FSIP2: variants seen among roughly 807,000 people sequenced by gnomAD.
The protein encoded by FSIP2 is fibrous sheath-interacting protein 2.
FSIP2 carries 367 observed loss-of-function variants against 510.5 expected under a neutral mutation model. The observed-to-expected ratio is 0.72, with a 90% CI of 0.66 to 0.78. FSIP2 has a LOEUF of 0.78. Ranked by LOEUF, FSIP2 falls within the 30% of genes least tolerant of loss-of-function variation. The pLI, the probability that FSIP2 is intolerant of heterozygous loss-of-function variation, is 0.00. For missense variants in FSIP2, 7,594 were observed against 7,901.7 expected (o/e 0.96, Z 1.48); for synonymous variants, 2,601 against 2,732.2 (o/e 0.95, Z 1.50).
In FSIP2 at chr2:185,792,447, G is replaced by A. The variant is rs1203585548; in HGVS notation, c.5311G>A (p.Glu1771Lys). 2.0e-6 allele frequency: 3 copies of A among 1,532,512 alleles called. No individual in the cohort carries two copies. Among genetic ancestry groups the A allele is most frequent in the Non-Finnish European group, 2.6e-6 (3 of 1,144,134 alleles). The allele number at this position is 1,532,512 out of a possible 1,614,324, so 94.9% of individuals were successfully genotyped here. The change falls in exon 16 of 23, where the codon GAA (glutamate) becomes AAA (lysine). Residue 1771 changes from glutamate (E) to lysine (K), a missense_variant. Physicochemically the swap from Glu to Lys is moderately conservative, Grantham distance 56. Transcript: ENST00000424728. ...AAACAAAATTGAAGTAAAACTCAAA[G>A]AACCACATATATCTCCAATTGCTCC... ...TLNKIEVKLK[E>K]PHISPIAPII...
chr2:185,820,803 A>G (rs1693901790), intron 19 of FSIP2, among the ~76,000 whole-genome samples: 1 of 151,616 alleles, frequency 6.6e-6, no homozygotes, highest in South Asian at 2.1e-4. Flanking sequence ...AACAAAAACA[A>G]TGTTAAGAGT....
At position 185,805,406 on chromosome 2, in the gene FSIP2, A is replaced by T; in HGVS notation, c.16100A>T (p.Asp5367Val). The change falls in exon 17 of 23, where the codon GAT becomes GTT. Residue 5367 changes from aspartate to valine, a missense_variant. Transcript: ENST00000424728. ...TTCATAGAAAAATGCACATCTCATG[A>T]TATTCAAAAAGGTGATGAAAGTAAC... ...EQFIEKCTSH[D>V]IQKGDESNIA... 6.2e-7 allele frequency: 1 copy of T among 1,602,872 alleles called. No homozygotes were observed.
intron 18 of FSIP2, 111 bp from the exon 19 acceptor site, chr2:185,815,260 C>A: frequency 1.6e-6 from 1 of 614,608 alleles, no homozygotes; most frequent in South Asian, 2.0e-5. Flanking sequence ...TTTAACTAAT[C>A]TCTGGAACTT....
At position 185,803,214 on chromosome 2, in the gene FSIP2, CAGGGT is replaced by C; in HGVS notation, c.13911_13915del (p.Arg4637SerfsTer15). The stretch of plus-strand genomic sequence containing the variant: ...CTGGGGTTTTAAGAAAAATATTCCA[CAGGGT>C]AGTAGGCATTGTACAAACAAAATCC... On this transcript the variant is annotated frameshift_variant, in exon 17 of 23. Coordinates refer to ENST00000424728, the MANE Select transcript of FSIP2 (RefSeq NM_173651.4). LOFTEE classifies it high-confidence loss of function. 6.5e-7 allele frequency: 1 copy of C among 1,532,096 alleles called. No individual in the cohort carries two copies. The highest frequency in any genetic ancestry group is 8.7e-7 in the Non-Finnish European group (1 of 1,144,572). The allele number at this position is 1,532,096 out of a possible 1,614,324, so 94.9% of individuals were successfully genotyped here.
chr2:185,827,042 G>A (rs1011207171), intron 20 of FSIP2, among the ~76,000 whole-genome samples: 1 of 151,784 alleles, frequency 6.6e-6, no homozygotes, highest in Non-Finnish European at 1.5e-5. Flanking sequence ...GGAGTTGGAT[G>A]CACATATACC....
intron 8 of FSIP2, among the ~76,000 whole-genome samples, chr2:185,754,993 C>G (rs1226794425): frequency 6.6e-6 from 1 of 151,540 alleles, no homozygotes; most frequent in Non-Finnish European, 1.5e-5. Flanking sequence ...TCCTAAAACA[C>G]ATGTTACCTT....
At chr2:185,739,710 G>T (rs1443086847) in intron 2 of FSIP2, among the ~76,000 whole-genome samples, 2 of 151,810 alleles carry the variant, frequency 1.3e-5, no homozygotes, top group Non-Finnish European at 2.9e-5. Flanking sequence ...AACAATTCAC[G>T]GTACCATATT....
Position 185,746,677 on chromosome 2 carries a change from A to G in FSIP2, c.626A>G (p.Asp209Gly). 6.6e-7 allele frequency: 1 copy of G among 1,512,902 alleles called. No homozygotes were observed. Among genetic ancestry groups the G allele is most frequent in the Admixed American group, 2.2e-5 (1 of 45,698 alleles). The allele number at this position is 1,512,902 out of a possible 1,614,324, so 93.7% of individuals were successfully genotyped here. The change falls in exon 6 of 23, where the codon GAT becomes GGT. Residue 209 changes from aspartate to glycine, a missense_variant. Coordinates refer to ENST00000424728, the MANE Select transcript of FSIP2 (RefSeq NM_173651.4). ...TTTGCACTCTTACTCAGATATTTGG[A>G]TATGATAAGTAGAAAACTAGAACAA... ...QERLMRHRYL[D>G]MISRKLEQLE...
Position 185,805,019 on chromosome 2 carries a change from C to T in FSIP2, c.15713C>T (p.Pro5238Leu). ...MKEIMYHHLQ[P>L]FLHGEESSFS... The stretch of plus-strand genomic sequence containing the variant: ...GAAATCATGTATCATCATTTACAGC[C>T]ATTTTTACATGGTGAAGAATCATCT... The change falls in exon 17 of 23, where the codon CCA becomes CTA. Residue 5238 changes from proline (P) to leucine (L), a missense_variant. Pro to Leu is a moderately conservative substitution (Grantham distance 98). Transcript: ENST00000424728. 1 of 1,593,068 alleles carries T rather than the reference C, an allele frequency of 6.3e-7. No individual in the cohort carries two copies. Among genetic ancestry groups the T allele is most frequent in the African/African-American group, 1.3e-5 (1 of 74,496 alleles).
chr2:185,752,650 A>C (rs1333468848), intron 7 of FSIP2, among the ~76,000 whole-genome samples: 1 of 151,272 alleles, frequency 6.6e-6, no homozygotes, highest in African/African-American at 2.4e-5. Flanking sequence ...CATCTCACAT[A>C]TTTGAAAATT....
At chr2:185,787,657 A>G (rs549976202) in intron 15 of FSIP2, among the ~76,000 whole-genome samples, 13 of 151,920 alleles carry the variant, frequency 8.6e-5, no homozygotes, top group African/African-American at 3.1e-4. Flanking sequence ...GTTGCTAAAT[A>G]GAGGTTTATA....
intron 20 of FSIP2, among the ~76,000 whole-genome samples, chr2:185,826,340 CTATT>C (rs1371561070): frequency 1.3e-5 from 2 of 151,828 alleles, no homozygotes; most frequent in African/African-American, 2.4e-5. Context: ...AGGTACTCCT[CTATT>C]TCTTTCTGGC....
At chr2:185,762,921 TG>T (rs1198753213) in intron 11 of FSIP2, among the ~76,000 whole-genome samples, 1 of 151,492 alleles carries the variant, frequency 6.6e-6, no homozygotes, top group Non-Finnish European at 1.5e-5. Flanking sequence ...AAGATTAAGC[TG>T]GCATAAAACA....
chr2:185,815,317 A>G, intron 18 of FSIP2, 54 bp from the exon 19 acceptor site: 1 of 839,700 alleles, frequency 1.2e-6, no homozygotes, highest in Non-Finnish European at 2.0e-6. Flanking sequence ...CCATAAGGTA[A>G]GAAAATATAT....
intron 13 of FSIP2, among the ~76,000 whole-genome samples, chr2:185,776,043 G>A (rs1692710088): frequency 6.6e-6 from 1 of 152,166 alleles, no homozygotes; most frequent in African/African-American, 2.4e-5. Flanking sequence ...GCCGAGACGG[G>A]TGCATCGCTT....
Position 185,792,113 on chromosome 2 carries a change from T to C in FSIP2, c.4977T>C (p.Asn1659=), listed in dbSNP as rs17815052. The change falls in exon 16 of 23, where the codon AAT becomes AAC. Residue 1659 remains asparagine (N), a synonymous_variant. Coordinates refer to ENST00000424728, the MANE Select transcript of FSIP2 (RefSeq NM_173651.4). ...TGAAGGTTATTCAAACAGAATTAAA[T>C]GTGACCTCATCAGATTTGAAGACAA... is the stretch of plus-strand genomic sequence containing the variant. ...AILKVIQTEL[N]VTSSDLKTSV... 0.22 allele frequency: 336,546 copies of C among 1,533,256 alleles called. 39,014 individuals are homozygous for C. The highest frequency in any genetic ancestry group is 0.24 in the Admixed American group (12,338 of 50,822). The allele number at this position is 1,533,256 out of a possible 1,614,324, so 95.0% of individuals were successfully genotyped here.
intron 19 of FSIP2, among the ~76,000 whole-genome samples, chr2:185,821,832 A>G (rs1693925831): frequency 6.6e-6 from 1 of 151,562 alleles, no homozygotes; most frequent in Admixed American, 6.6e-5. Flanking sequence ...AGGCTGAGGC[A>G]GGTGGATTTA....
chr2:185,786,283 GA>G lies in FSIP2; in HGVS notation c.1506del (p.Val503Ter). 1.3e-6 allele frequency: 2 copies of G among 1,522,014 alleles called. No homozygotes were observed. Among genetic ancestry groups the G allele is most frequent in the Non-Finnish European group, 1.8e-6 (2 of 1,137,006 alleles). 94.3% of individuals were successfully genotyped at this position (1,522,014 alleles called of 1,614,324 possible). A position where few individuals can be genotyped will look rare whatever the true frequency, so the allele number is the denominator to read the frequency against. ...QQNLLQNCLQ[E>X]KVTSEELNII... ...GAACTTGCTGCAAAATTGCTTGCAA[GA>G]AAAAGTATGTATCATAAAATCCACC... On this transcript the variant is annotated frameshift_variant, in exon 15 of 23. Coordinates refer to ENST00000424728, the MANE Select transcript of FSIP2 (RefSeq NM_173651.4). LOFTEE classifies it high-confidence loss of function.
chr2:185,806,326 T>C lies in FSIP2; in HGVS notation c.17020T>C (p.Tyr5674His), dbSNP rs761699072. The change falls in exon 17 of 23, where the codon TAT becomes CAT. Residue 5674 changes from tyrosine (Y) to histidine (H), a missense_variant. Transcript: ENST00000424728. ...TAGGGATGAGGAACACCACTCAGAT[T>C]ATGAACATGTTCAAAATGTCATTGA... is the stretch of plus-strand genomic sequence containing the variant. ...TCRDEEHHSD[Y>H]EHVQNVIENI... 1.9e-5 allele frequency: 31 copies of C among 1,609,736 alleles called. No individual in the cohort carries two copies. The highest frequency in any genetic ancestry group is 2.5e-5 in the Non-Finnish European group (29 of 1,177,866).
Sources: allele counts gnomAD v4.1 joint callset (sites outside exome capture counted in the v4.1 genomes callset), GRCh38; gene constraint gnomAD v4.1.1; transcripts MANE v1.5; gene names NCBI Gene and HGNC (gene_info 2026-07-23, HGNC 2026-07-21).